Variants in MED27 observed in about 807,000 individuals in gnomAD.
The protein encoded by MED27 is mediator of RNA polymerase II transcription subunit 27.
A neutral mutation model predicts 38.2 loss-of-function variants in MED27; 30 were observed. The ratio of observed to expected loss-of-function variants is 0.79; its 90% CI spans 0.59 to 1.07. The LOEUF is 1.07. MED27 is among the 50% of genes least tolerant of loss of function. The pLI is 0.00. For missense variants in MED27, 289 were observed against 397.5 expected (o/e 0.73, Z 2.32); for synonymous variants, 122 against 153.5 (o/e 0.79, Z 1.52).
At position 131,881,546 on chromosome 9, in the gene MED27, T is replaced by G. The variant is rs1305997759; in HGVS notation, c.723+2512A>C. Among the ~76,000 whole-genome samples, 9 of 152,290 alleles carry G rather than the reference T, an allele frequency of 5.9e-5. No homozygotes were observed. The East Asian group carries it at 1.4e-3, about 23-fold the overall frequency. On this transcript the variant is annotated intron_variant, in intron 6 of 7. Transcript: ENST00000292035. ...TAGAAGAATCAAGCTATGATTTTCT[T>G]TGTTAAAACTTTATTTTAGAGCAGT...
chr9:131,870,808 C>T (rs759045264), intron 6 of MED27, among the ~76,000 whole-genome samples: 44 of 152,224 alleles, frequency 2.9e-4, no homozygotes, highest in Non-Finnish European at 5.6e-4. Flanking sequence ...CCTTCCACCT[C>T]TCAGCCAGAA....
chr9:131,961,912 A>C (rs916673037), intron 3 of MED27, among the ~76,000 whole-genome samples: 14 of 152,260 alleles, frequency 9.2e-5, no homozygotes, highest in Non-Finnish European at 1.9e-4. Flanking sequence ...AATATATTCC[A>C]AAAGTTGATA....
chr9:131,867,215 A>G (rs1312986172), intron 6 of MED27, among the ~76,000 whole-genome samples: 1 of 152,206 alleles, frequency 6.6e-6, no homozygotes, highest in East Asian at 1.9e-4. Flanking sequence ...AGAGTGGCTC[A>G]GATGAGGTGG....
chr9:131,871,743 T>A (rs138011285), intron 6 of MED27, among the ~76,000 whole-genome samples: 1 of 152,166 alleles, frequency 6.6e-6, no homozygotes, highest in Non-Finnish European at 1.5e-5. Flanking sequence ...AAAGACGAGG[T>A]CTTGCCATGT....
At chr9:132,043,314 CT>C (rs1185572769) in intron 2 of MED27, among the ~76,000 whole-genome samples, 2 of 131,230 alleles carry the variant, frequency 1.5e-5, no homozygotes, top group East Asian at 4.3e-4. Context: ...TTTTTTTTTT[CT>C]TAAAAAAAAA....
At chr9:132,078,360 T>TA (rs1225378252) in intron 1 of MED27, among the ~76,000 whole-genome samples, 2 of 152,152 alleles carry the variant, frequency 1.3e-5, no homozygotes, top group African/African-American at 4.8e-5. Flanking sequence ...TCAGCACTCT[T>TA]AAAGTTTCTA....
chr9:131,910,996 G>T (rs181450875), intron 4 of MED27, among the ~76,000 whole-genome samples: 4 of 151,858 alleles, frequency 2.6e-5, no homozygotes, highest in Admixed American at 1.3e-4. Context: ...ATGCCTGTTT[G>T]TAAATAGCAA....
intron 4 of MED27, among the ~76,000 whole-genome samples, 173 bp from the exon 5 acceptor site, chr9:131,894,165 T>C (rs1300768801): frequency 6.6e-6 from 1 of 152,220 alleles, no homozygotes; most frequent in Non-Finnish European, 1.5e-5. Flanking sequence ...GTTCTTTCTG[T>C]GATCACTGAA....
At chr9:131,887,381 T>C (rs968253535) in intron 5 of MED27, among the ~76,000 whole-genome samples, 3 of 152,172 alleles carry the variant, frequency 2.0e-5, no homozygotes, top group African/African-American at 2.4e-5. Context: ...CAGAAGGACC[T>C]TAGATAATAC....
At chr9:131,893,807 G>T in intron 5 of MED27, 78 bp downstream of exon 5, 1 of 975,554 alleles carries the variant, frequency 1.0e-6, no homozygotes, top group Non-Finnish European at 1.6e-6. Context: ...AGTTTTTAAT[G>T]CCATTCATCT....
chr9:132,032,862 C>T (rs1198377142), intron 2 of MED27, among the ~76,000 whole-genome samples: 1 of 152,216 alleles, frequency 6.6e-6, no homozygotes, highest in Admixed American at 6.5e-5. Flanking sequence ...GCGCTCCACA[C>T]TAAGCCTCTC....
At chr9:132,001,035 A>G (rs1832220767) in intron 3 of MED27, among the ~76,000 whole-genome samples, 1 of 152,046 alleles carries the variant, frequency 6.6e-6, no homozygotes, top group Admixed American at 6.6e-5. Flanking sequence ...AGGAATTTGC[A>G]GCTGCGGTGA....
chr9:131,925,348 G>A (rs1830463854), intron 4 of MED27, among the ~76,000 whole-genome samples: 1 of 152,022 alleles, frequency 6.6e-6, no homozygotes, highest in South Asian at 2.1e-4. Flanking sequence ...TGGAGAATGG[G>A]GTGTCTTTCC....
At chr9:131,984,763 T>C (rs1418357921) in intron 3 of MED27, among the ~76,000 whole-genome samples, 2 of 152,222 alleles carry the variant, frequency 1.3e-5, no homozygotes, top group Non-Finnish European at 2.9e-5. Context: ...CAGTCCCTGT[T>C]TCTCCTGGCG....
At chr9:132,036,395 G>A (rs1024956857) in intron 2 of MED27, among the ~76,000 whole-genome samples, 10 of 152,082 alleles carry the variant, frequency 6.6e-5, no homozygotes, top group African/African-American at 2.4e-4. Flanking sequence ...TTGTAGAGAG[G>A]TCTACTATGT....
At chr9:132,065,523 G>A (rs1456284402) in intron 2 of MED27, among the ~76,000 whole-genome samples, 1 of 152,242 alleles carries the variant, frequency 6.6e-6, no homozygotes, top group Non-Finnish European at 1.5e-5. Context: ...GGGCTCCTGG[G>A]CAGTACCTTT....
At chr9:132,075,132 T>C (rs544922436) in intron 2 of MED27, among the ~76,000 whole-genome samples, 10 of 152,314 alleles carry the variant, frequency 6.6e-5, no homozygotes, top group South Asian at 2.1e-4. Context: ...GTTTCCAGGA[T>C]GCAAGTAAAC....
intron 3 of MED27, among the ~76,000 whole-genome samples, chr9:132,011,849 C>T (rs1271243580): frequency 6.6e-6 from 1 of 151,978 alleles, no homozygotes; most frequent in Non-Finnish European, 1.5e-5. Flanking sequence ...GAAATCATTT[C>T]TATGTTGTAT....
At chr9:132,070,486 G>A (rs574915122) in intron 2 of MED27, among the ~76,000 whole-genome samples, 4 of 152,298 alleles carry the variant, frequency 2.6e-5, no homozygotes, top group Non-Finnish European at 5.9e-5. Context: ...GAGCCCATAA[G>A]GCTGAAGCTG....
Sources: gnomAD v4.1 joint callset for allele counts (sites outside exome capture counted in the v4.1 genomes callset) on GRCh38, gnomAD v4.1.1 for gene constraint, MANE v1.5 for transcripts, NCBI Gene and HGNC (gene_info 2026-07-23, HGNC 2026-07-21) for gene names.